SGK1: variants seen among roughly 807,000 people sequenced by gnomAD.
The protein encoded by SGK1 is serine/threonine-protein kinase Sgk1.
SGK1 carries 26 observed loss-of-function variants against 64.2 expected under a neutral mutation model. The ratio of observed to expected loss-of-function variants is 0.40; its 90% CI spans 0.30 to 0.56. The LOEUF (loss-of-function observed/expected upper bound fraction) is 0.56, where lower values mean the gene tolerates loss of function less well. Ranked by LOEUF, SGK1 falls within the 20% of genes least tolerant of loss-of-function variation. The pLI, the probability that SGK1 is intolerant of heterozygous loss-of-function variation, is 0.38. For synonymous variants in SGK1, 265 were observed against 239.7 expected (o/e 1.11, Z -0.98); for missense variants, 519 against 645.6 (o/e 0.80, Z 2.12).
intron 1 of SGK1, among the ~76,000 whole-genome samples, chr6:134,307,510 C>T (rs1777551796): frequency 6.6e-6 from 1 of 152,152 alleles, no homozygotes; most frequent in African/African-American, 2.4e-5. Context: ...GATGCTCAAC[C>T]CCCTGATATA....
At chr6:134,291,703 T>A (rs2114780962) in intron 1 of SGK1, among the ~76,000 whole-genome samples, 1 of 152,298 alleles carries the variant, frequency 6.6e-6, no homozygotes, top group Non-Finnish European at 1.5e-5. Context: ...GAACACTTAT[T>A]CTATTTTATG....
At chr6:134,175,529 G>T in intron 3 of SGK1, 3 of 1,471,298 alleles carry the variant, frequency 2.0e-6, no homozygotes, top group Non-Finnish European at 2.7e-6. Flanking sequence ...CAGCGGGGCC[G>T]GCGGCGGCGC....
chr6:134,182,597 GCACAT>G (rs1562243041), intron 3 of SGK1, among the ~76,000 whole-genome samples: 3 of 151,942 alleles, frequency 2.0e-5, no homozygotes, highest in Non-Finnish European at 2.9e-5. Flanking sequence ...CCCACCCTAC[GCACAT>G]CACAAGTACA....
Position 134,174,823 on chromosome 6 carries a change from A to T in SGK1, c.362-237T>A, listed in dbSNP as rs1325375810. 3 of 1,613,694 alleles carry T rather than the reference A, an allele frequency of 1.9e-6. No homozygotes were observed. The East Asian group carries it at 6.7e-5, about 36-fold the overall frequency. On this transcript the variant is annotated intron_variant, in intron 3 of 13. Coordinates refer to ENST00000367858, the MANE Select transcript of SGK1 (RefSeq NM_001143676.3). ...TCACCGTCATCACCACCGCGGGGAG[A>T]CAGAAAGACGTTAGCGCTCAAAGAC...
intron 1 of SGK1, chr6:134,298,612 G>A: frequency 8.8e-7 from 1 of 1,132,820 alleles, no homozygotes; most frequent in Non-Finnish European, 1.3e-6. Flanking sequence ...CAGGTACTGG[G>A]CCCACTCGTG....
chr6:134,317,135 C>T (rs915280769), intron 1 of SGK1, among the ~76,000 whole-genome samples: 1 of 152,068 alleles, frequency 6.6e-6, no homozygotes, highest in Non-Finnish European at 1.5e-5. Context: ...AGAGAAAAAT[C>T]CCCATTCCCA....
intron 1 of SGK1, among the ~76,000 whole-genome samples, chr6:134,262,972 T>G (rs1294427679): frequency 6.6e-6 from 1 of 151,990 alleles, no homozygotes. Flanking sequence ...GCCCAGCCTG[T>G]CTCCTCATTT....
chr6:134,172,361 C>A, intron 9 of SGK1, 45 bp from the exon 10 acceptor site: 1 of 1,567,772 alleles, frequency 6.4e-7, no homozygotes, highest in East Asian at 2.2e-5. Context: ...GTTAATTTCA[C>A]TTCATAAGAT....
In SGK1 at chr6:134,172,149, G is replaced by C. The variant is rs1203781133; in HGVS notation, c.1071+44C>G. 89 of 1,604,192 alleles carry C rather than the reference G, an allele frequency of 5.5e-5. No individual in the cohort carries two copies. The Admixed American group carries it at 1.6e-3, about 28-fold the overall frequency. Reference sequence around the variant, plus strand: ...GTGCATGATTGTACATCTCTCTCTTGGAAGGCGGGGGTAAACCAGGCACCA... The same window carrying C: ...GTGCATGATTGTACATCTCTCTCTTCGAAGGCGGGGGTAAACCAGGCACCA... On this transcript the variant is annotated intron_variant, in intron 10 of 13. Transcript: ENST00000367858.
At chr6:134,191,835 A>ATTTTCTTTTT in intron 3 of SGK1, among the ~76,000 whole-genome samples, 1 of 61,202 alleles carries the variant, frequency 1.6e-5, no homozygotes, top group Non-Finnish European at 2.9e-5. Context: ...CGCCCGGCTG[A>ATTTTCTTTTT]TTTTTTTTTT....
intron 1 of SGK1, among the ~76,000 whole-genome samples, chr6:134,304,460 A>T (rs1777505875): frequency 6.6e-6 from 1 of 152,068 alleles, no homozygotes; most frequent in African/African-American, 2.4e-5. Flanking sequence ...GAGACCAGCA[A>T]GGCCAACAAG....
At chr6:134,226,742 G>A (rs1776188123) in intron 2 of SGK1, among the ~76,000 whole-genome samples, 4 of 151,974 alleles carry the variant, frequency 2.6e-5, no homozygotes. Flanking sequence ...TAAGAGATGA[G>A]GTCTTGTTAT....
chr6:134,281,591 C>T (rs1168445972), intron 1 of SGK1, among the ~76,000 whole-genome samples: 1 of 150,386 alleles, frequency 6.6e-6, no homozygotes, highest in East Asian at 2.0e-4. Context: ...AATCACAGCT[C>T]ACTGCAGCCT....
chr6:134,273,825 T>C (rs1178696063), intron 1 of SGK1, among the ~76,000 whole-genome samples: 1 of 151,734 alleles, frequency 6.6e-6, no homozygotes, highest in Non-Finnish European at 1.5e-5. Context: ...TTTTATTTAT[T>C]TATTTACTTA....
At chr6:134,214,237 T>C (rs528947354) in intron 2 of SGK1, among the ~76,000 whole-genome samples, 7 of 152,144 alleles carry the variant, frequency 4.6e-5, no homozygotes, top group African/African-American at 1.7e-4. Context: ...CTTCAGAATG[T>C]GTTTCTGACA....
chr6:134,198,361 G>T (rs1775628136), intron 3 of SGK1, among the ~76,000 whole-genome samples: 1 of 152,152 alleles, frequency 6.6e-6, no homozygotes, highest in Non-Finnish European at 1.5e-5. Flanking sequence ...GAAAATTCTT[G>T]TGTAAGCAGA....
chr6:134,232,413 GAGA>G (rs1776295318), intron 2 of SGK1, among the ~76,000 whole-genome samples: 1 of 47,706 alleles, frequency 2.1e-5, no homozygotes, highest in African/African-American at 8.0e-5. Context: ...AAGAAAGAAA[GAGA>G]AAGAAAGAAA....
intron 1 of SGK1, among the ~76,000 whole-genome samples, chr6:134,272,555 A>G (rs1055139660): frequency 4.1e-5 from 6 of 146,858 alleles, no homozygotes; most frequent in African/African-American, 1.5e-4. Context: ...TCTAAAAGCT[A>G]GCGAACAGAC....
At chr6:134,254,114 C>CTTTTT (rs57975960) in intron 2 of SGK1, among the ~76,000 whole-genome samples, 3 of 126,790 alleles carry the variant, frequency 2.4e-5, no homozygotes, top group African/African-American at 6.0e-5. Flanking sequence ...CTAGTCTCTC[C>CTTTTT]TTTTTTTTTT....
Sources: gnomAD v4.1 joint callset for allele counts (sites outside exome capture counted in the v4.1 genomes callset) on GRCh38, gnomAD v4.1.1 for gene constraint, MANE v1.5 for transcripts, NCBI Gene and HGNC (gene_info 2026-07-23, HGNC 2026-07-21) for gene names.